The following SH3BGR variants were observed in gnomAD, a reference collection of about 807,000 sequenced individuals.
SH3BGR encodes the protein SH3 domain-binding glutamic acid-rich protein.
In SH3BGR, 29 loss-of-function variants were observed where a neutral mutation model predicts 24.5. That is an observed-to-expected ratio of 1.18 (90% CI 0.88 to 1.61). The LOEUF (loss-of-function observed/expected upper bound fraction) is 1.61, where lower values mean the gene tolerates loss of function less well. Among genes scored for constraint, SH3BGR ranks in the 40% most tolerant of loss-of-function variants. The probability of loss-of-function intolerance (pLI) is 0.00; values close to 1 mark genes in which losing one functional copy is unlikely to be tolerated. For synonymous variants in SH3BGR, 55 were observed against 65.7 expected, an observed-to-expected ratio of 0.84 and a Z score of 0.79; for missense variants, 162 against 205.8, an observed-to-expected ratio of 0.79 and a Z score of 1.30.
At chr21:39,501,691 C>T (rs972574352) in intron 4 of SH3BGR, among the ~76,000 whole-genome samples, 1 of 152,180 alleles carries the variant, frequency 6.6e-6, no homozygotes, top group African/African-American at 2.4e-5. Context: ...TAGAAAAACC[C>T]TCTGTGATTG....
At chr21:39,495,150 T>A (rs2078371662) in intron 3 of SH3BGR, among the ~76,000 whole-genome samples, 1 of 152,116 alleles carries the variant, frequency 6.6e-6, no homozygotes, top group Non-Finnish European at 1.5e-5. Flanking sequence ...TGCTTTAAAA[T>A]CCTTGTCTGC....
At chr21:39,453,702 C>T (rs907045559) in intron 1 of SH3BGR, among the ~76,000 whole-genome samples, 1 of 152,128 alleles carries the variant, frequency 6.6e-6, no homozygotes, top group African/African-American at 2.4e-5. Context: ...GTTTCAGTGC[C>T]ACTTGTAACT....
chr21:39,447,303 G>A (rs2077504233), upstream of SH3BGR, among the ~76,000 whole-genome samples: 1 of 152,020 alleles, frequency 6.6e-6, no homozygotes, highest in African/African-American at 2.4e-5. Context: ...GGAATTGAAA[G>A]GTAGAGTTTC....
chr21:39,494,093 T>C (rs1340728552), intron 3 of SH3BGR, among the ~76,000 whole-genome samples: 1 of 152,192 alleles, frequency 6.6e-6, no homozygotes, highest in Non-Finnish European at 1.5e-5. Context: ...TATAACACTT[T>C]CATGTAATAT....
intron 1 of SH3BGR, among the ~76,000 whole-genome samples, chr21:39,453,416 TG>T (rs2077606705): frequency 1.3e-5 from 2 of 152,000 alleles, no homozygotes; most frequent in South Asian, 4.2e-4. Context: ...AAAATTTTTT[TG>T]GGGGGGAAAA....
chr21:39,462,554 C>T lies in SH3BGR; in HGVS notation c.225C>T (p.Tyr75=). The change falls in exon 2 of 7, where the codon TAC becomes TAT. Residue 75 remains tyrosine (Y), a synonymous_variant. Transcript: ENST00000333634. Reference sequence around the variant, plus strand: ...CCCAGATCTTCAATGAGGAGCAGTACTGTGGGGTGAGTATGTGCTTCTATT... The same window carrying T: ...CCCAGATCTTCAATGAGGAGCAGTATTGTGGGGTGAGTATGTGCTTCTATT... ...LPPQIFNEEQ[Y]CGDFDSFFSA... 6.4e-7 allele frequency: 1 copy of T among 1,559,286 alleles called. No individual in the cohort carries two copies. The highest frequency in any genetic ancestry group is 1.2e-5 in the South Asian group (1 of 81,544).
intron 3 of SH3BGR, chr21:39,491,627 G>A (rs975481211): frequency 1.7e-5 from 4 of 230,790 alleles, no homozygotes; most frequent in South Asian, 6.7e-5. Context: ...CAAGCTTCAC[G>A]AGATTGATTC....
At chr21:39,453,462 T>C (rs568465682) in intron 1 of SH3BGR, among the ~76,000 whole-genome samples, 1 of 152,280 alleles carries the variant, frequency 6.6e-6, no homozygotes, top group South Asian at 2.1e-4. Flanking sequence ...TTGTTGATGC[T>C]CATTGCTAAA....
intron 3 of SH3BGR, among the ~76,000 whole-genome samples, chr21:39,492,180 C>T (rs980514636): frequency 7.2e-5 from 11 of 152,000 alleles, no homozygotes; most frequent in African/African-American, 2.4e-4. Flanking sequence ...GCACCCATCA[C>T]CCAAGCAGTG....
intron 3 of SH3BGR, among the ~76,000 whole-genome samples, chr21:39,487,031 A>G (rs2078222959): frequency 6.6e-6 from 1 of 152,232 alleles, no homozygotes; most frequent in Admixed American, 6.5e-5. Flanking sequence ...AATGTCTTTT[A>G]GTACATTAAT....
chr21:39,475,461 G>A lies in SH3BGR; in HGVS notation c.312+246G>A, dbSNP rs139775499. 6.1e-4 allele frequency among the ~76,000 whole-genome samples: 93 copies of A among 152,246 alleles called. 1 individual carries two copies. Among genetic ancestry groups the A allele is most frequent in the African/African-American group, 2.1e-3 (88 of 41,528 alleles). The stretch of plus-strand genomic sequence containing the variant: ...TTACAATAAATTTTATAATACCTAA[G>A]TTAGGAAATATCATTACTTTGAATA... On this transcript the variant is annotated intron_variant, in intron 3 of 6. Coordinates refer to ENST00000333634, the MANE Select transcript of SH3BGR (RefSeq NM_007341.3).
intron 3 of SH3BGR, among the ~76,000 whole-genome samples, chr21:39,475,760 G>C (rs1399615846): frequency 6.6e-6 from 1 of 152,112 alleles, no homozygotes. Context: ...ATTAAATAGA[G>C]AGTTATGCTA....
At chr21:39,475,389 A>C (rs1265529326) in intron 3 of SH3BGR, among the ~76,000 whole-genome samples, 174 bp downstream of exon 3, 1 of 152,242 alleles carries the variant, frequency 6.6e-6, no homozygotes, top group Non-Finnish European at 1.5e-5. Flanking sequence ...TTACTAAAAA[A>C]AGTTCCAAAA....
At chr21:39,453,550 G>A (rs1293487337) in intron 1 of SH3BGR, among the ~76,000 whole-genome samples, 2 of 152,124 alleles carry the variant, frequency 1.3e-5, no homozygotes, top group Admixed American at 1.3e-4. Context: ...CAATCAATAA[G>A]TTAATGGATT....
intron 1 of SH3BGR, among the ~76,000 whole-genome samples, chr21:39,459,713 G>A (rs569983859): frequency 4.2e-4 from 64 of 151,856 alleles, no homozygotes; most frequent in Non-Finnish European, 8.1e-4. Flanking sequence ...TTTTTGTAGA[G>A]ATGTGGTCTC....
chr21:39,482,125 A>G (rs185628991), intron 3 of SH3BGR, among the ~76,000 whole-genome samples: 30 of 152,340 alleles, frequency 2.0e-4, no homozygotes, highest in Admixed American at 3.9e-4. Flanking sequence ...TTGCTAAATC[A>G]TTTCACCTGC....
upstream of SH3BGR, among the ~76,000 whole-genome samples, chr21:39,450,658 C>T (rs995796652): frequency 1.3e-5 from 2 of 152,180 alleles, no homozygotes; most frequent in Non-Finnish European, 2.9e-5. Context: ...AAATATCCCC[C>T]AAGTGCTTCT....
At chr21:39,514,706 A>G (rs566275305) in intron 6 of SH3BGR, among the ~76,000 whole-genome samples, 10 of 152,294 alleles carry the variant, frequency 6.6e-5, no homozygotes, top group African/African-American at 1.7e-4. Flanking sequence ...ATAATGTCCA[A>G]TATGAGACTG....
chr21:39,470,174 A>G (rs1434040004), intron 2 of SH3BGR, among the ~76,000 whole-genome samples: 1 of 151,842 alleles, frequency 6.6e-6, no homozygotes, highest in African/African-American at 2.4e-5. Flanking sequence ...AATTCAAATA[A>G]TCTATCCTTT....
Sources: gnomAD v4.1 joint callset for allele counts (sites outside exome capture counted in the v4.1 genomes callset) on GRCh38, gnomAD v4.1.1 for gene constraint, MANE v1.5 for transcripts, NCBI Gene and HGNC (gene_info 2026-07-23, HGNC 2026-07-21) for gene names.